Variants in MYLK observed in about 807,000 individuals in gnomAD.
The protein encoded by MYLK is myosin light chain kinase, smooth muscle.
MYLK carries 106 observed loss-of-function variants against 203.4 expected under a neutral mutation model. The ratio of observed to expected loss-of-function variants is 0.52; its 90% confidence interval spans 0.45 to 0.61. The LOEUF (loss-of-function observed/expected upper bound fraction) is 0.61, where lower values mean the gene tolerates loss of function less well. Ranked by LOEUF, MYLK falls within the 20% of genes least tolerant of loss-of-function variation. The pLI is 0.00. For missense variants in MYLK, 2,072 were observed against 2,442.3 expected (o/e 0.85, Z 3.20); for synonymous variants, 867 against 959.5 (o/e 0.90, Z 1.78).
At chr3:123,689,118 A>G (rs1418137638) in intron 19 of MYLK, among the ~76,000 whole-genome samples, 1 of 152,134 alleles carries the variant, frequency 6.6e-6, no homozygotes, top group African/African-American at 2.4e-5. Flanking sequence ...CATCACAATC[A>G]TGCATGACCC....
intron 20 of MYLK, 157 bp downstream of exon 20, chr3:123,682,067 G>A (rs1331598880): frequency 4.3e-6 from 3 of 700,518 alleles, no homozygotes; most frequent in South Asian, 1.5e-5. Context: ...GTTATTGGGA[G>A]TTCACTGGGC....
chr3:123,627,014 G>T (rs907468478), intron 30 of MYLK, 73 bp from the exon 31 acceptor site: 1 of 1,576,120 alleles, frequency 6.3e-7, no homozygotes. Flanking sequence ...TTCAGAAATG[G>T]GAGGCCACCT....
intron 3 of MYLK, among the ~76,000 whole-genome samples, chr3:123,801,813 T>C (rs1239204451): frequency 6.6e-6 from 1 of 152,240 alleles, no homozygotes; most frequent in Non-Finnish European, 1.5e-5. Context: ...CACATTTTCT[T>C]TATCTGCTCC....
intron 2 of MYLK, among the ~76,000 whole-genome samples, chr3:123,875,282 C>A (rs1261592180): frequency 6.6e-6 from 1 of 152,128 alleles, no homozygotes; most frequent in Non-Finnish European, 1.5e-5. Flanking sequence ...TAATACTCAG[C>A]AACAAAAACG....
intron 29 of MYLK, among the ~76,000 whole-genome samples, chr3:123,637,334 G>C (rs1316955072): frequency 6.6e-6 from 1 of 152,060 alleles, no homozygotes; most frequent in African/African-American, 2.4e-5. Context: ...CACAAACCTA[G>C]AGCCTGTTAG....
At chr3:123,743,042 T>C (rs533412664) in intron 5 of MYLK, among the ~76,000 whole-genome samples, 36 of 152,168 alleles carry the variant, frequency 2.4e-4, no homozygotes, top group Non-Finnish European at 4.7e-4. Flanking sequence ...TGGAATGAGA[T>C]AGCAGTGATG....
At chr3:123,782,068 C>T (rs1249358361) in intron 4 of MYLK, among the ~76,000 whole-genome samples, 3 of 152,108 alleles carry the variant, frequency 2.0e-5, no homozygotes, top group Admixed American at 1.3e-4. Flanking sequence ...GATGTTGAAG[C>T]GTCTTAGGGA....
intron 11 of MYLK, among the ~76,000 whole-genome samples, chr3:123,732,507 G>A (rs1038924570): frequency 1.3e-5 from 2 of 152,092 alleles, no homozygotes; most frequent in Non-Finnish European, 2.9e-5. Context: ...TAAACAGACA[G>A]TACAATAAAC....
intron 29 of MYLK, among the ~76,000 whole-genome samples, chr3:123,635,889 G>A (rs1168282071): frequency 6.6e-6 from 1 of 152,132 alleles, no homozygotes; most frequent in African/African-American, 2.4e-5. Flanking sequence ...TTCACACAAT[G>A]GGATACTACA....
chr3:123,614,074 G>A lies in MYLK; in HGVS notation c.*31C>T. ...TTTAGAGAAATAGTCCTTTTAATAT[G>A]ACTTAGAAACTGCTTTTCTCTGGCT... On this transcript the variant is annotated 3_prime_UTR_variant, in exon 34 of 34. Coordinates refer to ENST00000360304, the MANE Select transcript of MYLK (RefSeq NM_053025.4). 7.8e-7 allele frequency: 1 copy of A among 1,283,014 alleles called. No homozygotes were observed. Among genetic ancestry groups the A allele is most frequent in the East Asian group, 2.6e-5 (1 of 38,730 alleles). The allele number at this position is 1,283,014 out of a possible 1,614,324, so 79.5% of individuals were successfully genotyped here.
intron 2 of MYLK, among the ~76,000 whole-genome samples, chr3:123,860,212 G>A (rs1203340618): frequency 1.3e-5 from 2 of 152,116 alleles, no homozygotes; most frequent in African/African-American, 4.8e-5. Context: ...GGCAGGCCCG[G>A]CACACGGCTC....
At position 123,674,954 on chromosome 3, in the gene MYLK, C is replaced by T. The variant is rs553070408; in HGVS notation, c.3652+7270G>A. On this transcript the variant is annotated intron_variant, in intron 20 of 33. Transcript: ENST00000360304. ...AAGCTTCTGGGGACAAGGATAGGGT[C>T]TACCTTCTGTATCTGCAGTGCCTAG... Among the ~76,000 whole-genome samples the T allele has an allele frequency of 2.0e-5, 3 of 152,342 alleles. No homozygotes were observed. In the South Asian group the frequency reaches 6.2e-4, roughly 32 times the overall value.
At chr3:123,857,040 G>A (rs1214416878) in intron 2 of MYLK, among the ~76,000 whole-genome samples, 2 of 152,200 alleles carry the variant, frequency 1.3e-5, no homozygotes, top group African/African-American at 2.4e-5. Context: ...AAAAACACAT[G>A]AGAAAATGCT....
intron 2 of MYLK, among the ~76,000 whole-genome samples, chr3:123,844,975 G>C (rs947658242): frequency 1.5e-4 from 23 of 152,024 alleles, no homozygotes; most frequent in African/African-American, 5.3e-4. Context: ...CTCAGTAGCT[G>C]GCACTGCAGG....
intron 27 of MYLK, among the ~76,000 whole-genome samples, chr3:123,641,693 TCTTCCTTCCTTCCTTC>T (rs1013656111): frequency 6.8e-6 from 1 of 147,178 alleles, no homozygotes; most frequent in African/African-American, 2.6e-5. Context: ...AACCTACCTA[TCTTCCTTCCTTCCTTC>T]CTTCCGTCCT....
rs2057312816 is a variant in MYLK at position 123,613,718 on chromosome 3, T to C, written c.*387A>G. On this transcript the variant is annotated 3_prime_UTR_variant, in exon 34 of 34. Coordinates refer to ENST00000360304, the MANE Select transcript of MYLK (RefSeq NM_053025.4). ...AGAGGCCTCCCATCCCCAGGAACCC[T>C]CTGGGCTGAGCTGTGGCCCAGAACT... The C allele has an allele frequency of 1.0e-5, 3 of 286,434 alleles. No individual in the cohort carries two copies. The highest frequency in any genetic ancestry group is 1.3e-5 in the Non-Finnish European group (2 of 148,522). 17.7% of individuals were successfully genotyped at this position (286,434 alleles called of 1,614,324 possible).
chr3:123,789,726 G>A (rs1273882144), intron 4 of MYLK, among the ~76,000 whole-genome samples: 1 of 150,898 alleles, frequency 6.6e-6, no homozygotes, highest in African/African-American at 2.4e-5. Context: ...GAGGAGGGAA[G>A]GGGCTTAGGT....
intron 5 of MYLK, among the ~76,000 whole-genome samples, chr3:123,747,196 G>A (rs1467956287): frequency 6.6e-6 from 1 of 152,146 alleles, no homozygotes; most frequent in Non-Finnish European, 1.5e-5. Context: ...TGGTGTCAGT[G>A]GCACCACCAG....
At chr3:123,814,847 C>T (rs1479612532) in intron 3 of MYLK, among the ~76,000 whole-genome samples, 4 of 152,060 alleles carry the variant, frequency 2.6e-5, no homozygotes, top group Non-Finnish European at 4.4e-5. Context: ...GGCTGGAGTA[C>T]AGCGGCATGA....
Sources: allele counts gnomAD v4.1 joint callset (sites outside exome capture counted in the v4.1 genomes callset), GRCh38; gene constraint gnomAD v4.1.1; transcripts MANE v1.5; gene names NCBI Gene and HGNC (gene_info 2026-07-23, HGNC 2026-07-21).